NCK1: variants seen among roughly 807,000 people sequenced by gnomAD.
The protein encoded by NCK1 is SH2/SH3 adapter protein NCK1.
A neutral mutation model predicts 36.6 loss-of-function variants in NCK1; 19 were observed. The ratio of observed to expected loss-of-function variants is 0.52; its 90% CI spans 0.36 to 0.76. NCK1 has a LOEUF of 0.76. Among genes scored for constraint, NCK1 ranks in the 30% least tolerant of loss-of-function variants. The pLI, the probability that NCK1 is intolerant of heterozygous loss-of-function variation, is 0.00. For missense variants in NCK1, 358 were observed against 445.6 expected (o/e 0.80, Z 1.77); for synonymous variants, 165 against 156.0 (o/e 1.06, Z -0.43).
intron 1 of NCK1, among the ~76,000 whole-genome samples, chr3:136,891,871 C>A (rs993909041): frequency 3.9e-5 from 6 of 152,100 alleles, no homozygotes; most frequent in Non-Finnish European, 7.3e-5. Context: ...AATTCCTACT[C>A]CATTTTTGTG....
intron 1 of NCK1, among the ~76,000 whole-genome samples, chr3:136,916,129 C>T (rs1939958410): frequency 6.6e-6 from 1 of 152,106 alleles, no homozygotes; most frequent in Non-Finnish European, 1.5e-5. Flanking sequence ...ATCCAGTCAC[C>T]TCGCAGTCAC....
At chr3:136,924,112 T>C (rs2108125343) in intron 1 of NCK1, among the ~76,000 whole-genome samples, 1 of 152,308 alleles carries the variant, frequency 6.6e-6, no homozygotes, top group Admixed American at 6.5e-5. Context: ...GGGAACTTTA[T>C]AATAATGGAT....
At chr3:136,914,717 C>A (rs1051468692) in intron 1 of NCK1, among the ~76,000 whole-genome samples, 2 of 152,172 alleles carry the variant, frequency 1.3e-5, no homozygotes, top group Non-Finnish European at 2.9e-5. Context: ...TTCTGGCTTC[C>A]AGCCAGAAGA....
intron 1 of NCK1, among the ~76,000 whole-genome samples, chr3:136,922,214 A>G (rs530960821): frequency 2.6e-5 from 4 of 152,338 alleles, no homozygotes; most frequent in East Asian, 1.9e-4. Flanking sequence ...AGGCCCACCA[A>G]TGTTTGGCCC....
intron 1 of NCK1, among the ~76,000 whole-genome samples, chr3:136,863,788 C>G (rs1938320233): frequency 6.6e-6 from 1 of 151,918 alleles, no homozygotes; most frequent in Non-Finnish European, 1.5e-5. Flanking sequence ...AATTTGAAAC[C>G]TACGTGTAAT....
intron 1 of NCK1, among the ~76,000 whole-genome samples, chr3:136,922,835 G>A (rs556524561): frequency 1.3e-5 from 2 of 152,188 alleles, no homozygotes; most frequent in South Asian, 2.1e-4. Flanking sequence ...TAACCCAAAG[G>A]TACACTAACA....
intron 1 of NCK1, among the ~76,000 whole-genome samples, chr3:136,891,473 T>C (rs1300145561): frequency 6.6e-6 from 1 of 152,258 alleles, no homozygotes; most frequent in Non-Finnish European, 1.5e-5. Flanking sequence ...TTTTTGGCTG[T>C]TGTGAATAAT....
chr3:136,877,644 C>A (rs1414304024), intron 1 of NCK1, among the ~76,000 whole-genome samples: 2 of 152,136 alleles, frequency 1.3e-5, no homozygotes, highest in African/African-American at 4.8e-5. Flanking sequence ...AAGATTTGAA[C>A]TACACAGGTA....
chr3:136,926,475 C>T (rs1940241969), intron 1 of NCK1, among the ~76,000 whole-genome samples: 1 of 151,918 alleles, frequency 6.6e-6, no homozygotes, highest in Non-Finnish European at 1.5e-5. Context: ...CAGGGTTTTA[C>T]CGTGTTAGCC....
chr3:136,941,722 A>AT (rs1940682436), intron 2 of NCK1, among the ~76,000 whole-genome samples: 1 of 151,644 alleles, frequency 6.6e-6, no homozygotes, highest in Non-Finnish European at 1.5e-5. Context: ...ACAAAAAAAA[A>AT]CTGCAATACT....
intron 2 of NCK1, among the ~76,000 whole-genome samples, chr3:136,945,037 C>T (rs1282685344): frequency 6.6e-6 from 1 of 152,108 alleles, no homozygotes; most frequent in African/African-American, 2.4e-5. Flanking sequence ...TTAAAATAAA[C>T]ATATGAGGTA....
rs1011783860 is a variant in NCK1 at position 136,950,242 on chromosome 3, A to C, written c.*1789A>C. 1.2e-4 allele frequency among the ~76,000 whole-genome samples: 19 copies of C among 152,108 alleles called. No homozygotes were observed. The highest frequency in any genetic ancestry group is 4.6e-4 in the African/African-American group (19 of 41,430). ...TCTGTATGTTTCTGGGTTTTCCCCC[A>C]GTCTTCCTTATGAAAAAAATGTATG... On this transcript the variant is annotated 3_prime_UTR_variant, in exon 4 of 4. Coordinates refer to ENST00000481752, the MANE Select transcript of NCK1 (RefSeq NM_001291999.2).
intron 1 of NCK1, among the ~76,000 whole-genome samples, chr3:136,893,467 C>T (rs941615934): frequency 1.3e-5 from 2 of 151,910 alleles, no homozygotes; most frequent in Admixed American, 6.6e-5. Flanking sequence ...TGTCTATTCA[C>T]GTCCTTAGGC....
At chr3:136,893,147 A>AGTGTGTGTGTGTGTGT (rs142883729) in intron 1 of NCK1, among the ~76,000 whole-genome samples, 6 of 41,920 alleles carry the variant, frequency 1.4e-4, no homozygotes, top group African/African-American at 4.0e-4. Flanking sequence ...AATATTCCAT[A>AGTGTGTGTGTGTGTGT]GTGTGTGTGT....
chr3:136,883,597 GA>G (rs1170435343), intron 1 of NCK1, among the ~76,000 whole-genome samples: 3 of 152,118 alleles, frequency 2.0e-5, no homozygotes, highest in South Asian at 4.1e-4. Context: ...TCCTCTGCTA[GA>G]AAGAGGTGTC....
intron 1 of NCK1, among the ~76,000 whole-genome samples, chr3:136,874,669 C>T (rs1249599865): frequency 6.6e-6 from 1 of 152,086 alleles, no homozygotes; most frequent in Non-Finnish European, 1.5e-5. Flanking sequence ...TGTCTTTCTC[C>T]TGTGTTAAAT....
chr3:136,928,169 G>C lies in NCK1; in HGVS notation c.168G>C (p.Val56=). 2 of 1,614,080 alleles carry C rather than the reference G, an allele frequency of 1.2e-6. No individual in the cohort carries two copies. Among genetic ancestry groups the C allele is most frequent in the Non-Finnish European group, 1.7e-6 (2 of 1,180,006 alleles). Residue 56 remains valine (V), a synonymous_variant, in exon 2 of 4, where the codon GTG becomes GTC. Coordinates refer to ENST00000481752, the MANE Select transcript of NCK1 (RefSeq NM_001291999.2). ...NKTGFVPSNY[V]ERKNSARKAS... ...CAGGTTTTGTGCCTTCTAACTATGT[G>C]GAAAGGAAAAACAGTGCTCGGAAAG...
intron 1 of NCK1, among the ~76,000 whole-genome samples, chr3:136,905,698 C>T (rs1304939659): frequency 6.6e-6 from 1 of 151,992 alleles, no homozygotes; most frequent in Non-Finnish European, 1.5e-5. Flanking sequence ...GATCATGGCT[C>T]AGTGCAGCCT....
At position 136,899,655 on chromosome 3, in the gene NCK1, G is replaced by A; in HGVS notation, c.-18-28329G>A. 5.6e-6 allele frequency: 4 copies of A among 720,600 alleles called. No homozygotes were observed. In the South Asian group the frequency reaches 5.6e-5, roughly 10 times the overall value. 44.6% of individuals were successfully genotyped at this position (720,600 alleles called of 1,614,324 possible). A position where few individuals can be genotyped will look rare whatever the true frequency, so the allele number is the denominator to read the frequency against. On this transcript the variant is annotated intron_variant, in intron 1 of 3. Coordinates refer to ENST00000481752, the MANE Select transcript of NCK1 (RefSeq NM_001291999.2). ...TTGAATACCACCATTGTCTTTCTTA[G>A]TAATCTTATCCAAATCTAAATAATC...
Sources: allele counts gnomAD v4.1 joint callset (sites outside exome capture counted in the v4.1 genomes callset), GRCh38; gene constraint gnomAD v4.1.1; transcripts MANE v1.5; gene names NCBI Gene and HGNC (gene_info 2026-07-23, HGNC 2026-07-21).